NCBP1: variants seen among roughly 807,000 people sequenced by gnomAD.
The protein encoded by NCBP1 is nuclear cap binding protein subunit 1.
Under a neutral mutation model 111.7 loss-of-function variants are expected in NCBP1, and 16 were observed. That is an observed-to-expected ratio of 0.14 (90% CI 0.10 to 0.22). The LOEUF (loss-of-function observed/expected upper bound fraction) is 0.22. Among genes scored for constraint, NCBP1 ranks in the 10% least tolerant of loss-of-function variants. NCBP1 has a pLI of 1.00. For missense variants in NCBP1, 607 were observed against 957.5 expected, an observed-to-expected ratio of 0.63 and a Z score of 4.83; for synonymous variants, 304 against 314.3, an observed-to-expected ratio of 0.97 and a Z score of 0.35.
intron 1 of NCBP1, 100 bp downstream of exon 1, chr9:97,634,015 G>T: frequency 1.5e-6 from 2 of 1,343,086 alleles, no homozygotes; most frequent in South Asian, 1.4e-5. Flanking sequence ...TCTTCTCCCC[G>T]GGAACGTGCG....
At position 97,656,015 on chromosome 9, in the gene NCBP1, G is replaced by T. The variant is rs1463500738; in HGVS notation, c.1303G>T (p.Asp435Tyr). The T allele has an allele frequency of 1.9e-6, 3 of 1,613,400 alleles. No homozygotes were observed. Among genetic ancestry groups the T allele is most frequent in the African/African-American group, 2.7e-5 (2 of 74,920 alleles). The change falls in exon 14 of 23, where the codon GAT becomes TAT. Residue 435 changes from aspartate to tyrosine, a missense_variant. Physicochemically the swap from Asp to Tyr is radical, Grantham distance 160. Coordinates refer to ENST00000375147, the MANE Select transcript of NCBP1 (RefSeq NM_002486.5). ...QFRWSWEDWSDCLSQDPESPK... is the reference protein window; with the variant it reads ...QFRWSWEDWSYCLSQDPESPK... ...AAAACTACATTTCCTCCTTAGGTCA[G>T]ATTGTCTTAGTCAAGATCCTGAAAG...
At chr9:97,649,318 G>A (rs1827434975) in intron 8 of NCBP1, among the ~76,000 whole-genome samples, 1 of 152,072 alleles carries the variant, frequency 6.6e-6, no homozygotes, top group South Asian at 2.1e-4. Flanking sequence ...GCTCAGCGGT[G>A]TCCCTGATCT....
At chr9:97,638,459 A>G (rs1291432453) in intron 1 of NCBP1, among the ~76,000 whole-genome samples, 1 of 152,178 alleles carries the variant, frequency 6.6e-6, no homozygotes, top group Non-Finnish European at 1.5e-5. Flanking sequence ...AGGCTGTGGT[A>G]TGATTCCAAA....
At chr9:97,666,696 G>T (rs1828013830) in intron 19 of NCBP1, 67 bp from the exon 20 acceptor site, 1 of 1,096,204 alleles carries the variant, frequency 9.1e-7, no homozygotes, top group South Asian at 1.6e-5. Flanking sequence ...AATTACAAAA[G>T]TTGAAAGATT....
At chr9:97,641,442 G>A (rs1341273464) in intron 2 of NCBP1, 120 bp from the exon 3 acceptor site, 3 of 712,012 alleles carry the variant, frequency 4.2e-6, no homozygotes, top group Non-Finnish European at 5.7e-6. Flanking sequence ...ACAGATGATT[G>A]GTAATGATTT....
Position 97,651,297 on chromosome 9 carries a change from A to G in NCBP1, c.996-13A>G. On this transcript the variant is annotated splice_polypyrimidine_tract_variant and intron_variant, in intron 9 of 22. Transcript: ENST00000375147. Reference sequence around the variant, plus strand: ...TTCGTATACTTATTAAACTTAAATTACACTTTTTATAGTGCTGCACAGTTA... The same window carrying G: ...TTCGTATACTTATTAAACTTAAATTGCACTTTTTATAGTGCTGCACAGTTA... 6.3e-7 allele frequency: 1 copy of G among 1,595,400 alleles called. No homozygotes were observed. The highest frequency in any genetic ancestry group is 8.5e-7 in the Non-Finnish European group (1 of 1,171,484).
At chr9:97,655,057 C>A in intron 12 of NCBP1, 113 bp downstream of exon 12, 2 of 868,328 alleles carry the variant, frequency 2.3e-6, no homozygotes, top group Non-Finnish European at 3.4e-6. Context: ...TTTTTTCTTG[C>A]CTCCCAAAAT....
Position 97,671,103 on chromosome 9 carries a change from G to A in NCBP1, c.2277G>A (p.Gln759=). 2 of 1,611,008 alleles carry A rather than the reference G, an allele frequency of 1.2e-6. No individual in the cohort carries two copies. Among genetic ancestry groups the A allele is most frequent in the Non-Finnish European group, 1.7e-6 (2 of 1,177,368 alleles). ...GTCCACAGCATCACCAAATAATCCA[G>A]CAGTACATGGTGACCCTGGAGAACC... ...QIFLQHHQII[Q]QYMVTLENLL... The change falls in exon 23 of 23, where the codon CAG becomes CAA. Residue 759 remains glutamine, a synonymous_variant. Coordinates refer to ENST00000375147, the MANE Select transcript of NCBP1 (RefSeq NM_002486.5).
At chr9:97,656,412 C>T (rs1040834718) in intron 14 of NCBP1, among the ~76,000 whole-genome samples, 1 of 152,192 alleles carries the variant, frequency 6.6e-6, no homozygotes, top group Admixed American at 6.5e-5. Flanking sequence ...GAAACCCCCT[C>T]TCTACTAAAA....
chr9:97,642,065 T>C (rs979365998), intron 3 of NCBP1, among the ~76,000 whole-genome samples: 1 of 152,102 alleles, frequency 6.6e-6, no homozygotes, highest in African/African-American at 2.4e-5. Flanking sequence ...TGGAAGCCAC[T>C]GTTAATAGGC....
intron 19 of NCBP1, 125 bp downstream of exon 19, chr9:97,664,568 G>C: frequency 1.6e-6 from 1 of 619,796 alleles, no homozygotes; most frequent in East Asian, 2.8e-5. Context: ...GTCCAATCTG[G>C]TAGGATTGGA....
chr9:97,668,741 T>C (rs1828087482), intron 20 of NCBP1, 105 bp from the exon 21 acceptor site: 1 of 1,290,298 alleles, frequency 7.8e-7, no homozygotes, highest in Admixed American at 2.8e-5. Context: ...CTATAGAATA[T>C]AAGTCTTAAC....
intron 1 of NCBP1, among the ~76,000 whole-genome samples, chr9:97,635,311 A>C (rs147600678): frequency 7.2e-5 from 11 of 152,282 alleles, no homozygotes; most frequent in Admixed American, 6.5e-4. Flanking sequence ...GGCTCTCTTC[A>C]CTACACAGGT....
chr9:97,663,960 C>T (rs1357642225), intron 18 of NCBP1, among the ~76,000 whole-genome samples: 3 of 151,666 alleles, frequency 2.0e-5, no homozygotes, highest in Admixed American at 6.6e-5. Context: ...GGATGGATCA[C>T]TTGAAGCCAG....
At chr9:97,667,158 G>A (rs1368361824) in intron 20 of NCBP1, among the ~76,000 whole-genome samples, 1 of 152,164 alleles carries the variant, frequency 6.6e-6, no homozygotes, top group Non-Finnish European at 1.5e-5. Context: ...TTGCACAAGG[G>A]AAGTAGCAGA....
chr9:97,670,300 G>A (rs145557582), intron 22 of NCBP1, among the ~76,000 whole-genome samples: 1,928 of 152,272 alleles, frequency 0.013, 14 homozygotes, highest in Non-Finnish European at 0.019. Context: ...ACAGTAATTG[G>A]ATTTATAAGT....
chr9:97,655,918 G>C (rs1827638726), intron 13 of NCBP1, 93 bp from the exon 14 acceptor site: 2 of 1,369,532 alleles, frequency 1.5e-6, no homozygotes, highest in African/African-American at 1.5e-5. Context: ...AACAAAACTT[G>C]TAAGTTGTTA....
chr9:97,640,814 A>C lies in NCBP1; in HGVS notation c.55A>C (p.Arg19=). Residue 19 remains arginine, a synonymous_variant, in exon 2 of 23, where the codon AGA becomes CGA. Coordinates refer to ENST00000375147, the MANE Select transcript of NCBP1 (RefSeq NM_002486.5). The stretch of plus-strand genomic sequence containing the variant: ...AATAGGTGGGCAGCCTCACAAAAGG[A>C]GAAAGACCTCTGATGCAAATGAAAC... ...ENDGGQPHKR[R]KTSDANETED... The C allele has an allele frequency of 6.2e-7, 1 of 1,609,694 alleles. No individual in the cohort carries two copies. The highest frequency in any genetic ancestry group is 8.5e-7 in the Non-Finnish European group (1 of 1,178,198).
At chr9:97,636,434 A>AGT (rs1268560577) in intron 1 of NCBP1, among the ~76,000 whole-genome samples, 1 of 148,266 alleles carries the variant, frequency 6.7e-6, no homozygotes, top group East Asian at 1.9e-4. Flanking sequence ...CTATATATAG[A>AGT]GTGTGTGTAT....
Sources: allele counts gnomAD v4.1 joint callset (sites outside exome capture counted in the v4.1 genomes callset), GRCh38; gene constraint gnomAD v4.1.1; transcripts MANE v1.5; gene names NCBI Gene and HGNC (gene_info 2026-07-23, HGNC 2026-07-21).